Variants in SMAP1 observed in about 807,000 individuals in gnomAD.
SMAP1 encodes the protein small ArfGAP 1.
In SMAP1, 24 loss-of-function variants were observed where a neutral mutation model predicts 58.5. The observed-to-expected ratio is 0.41, with a 90% confidence interval of 0.30 to 0.58. The LOEUF is 0.58. Among genes scored for constraint, SMAP1 ranks in the 20% least tolerant of loss-of-function variants. SMAP1 has a pLI of 0.29. For synonymous variants in SMAP1, 216 were observed against 196.6 expected (o/e 1.10, Z -0.82); for missense variants, 563 against 566.3 (o/e 0.99, Z 0.06).
chr6:70,710,730 C>T (rs1012386614), intron 1 of SMAP1, among the ~76,000 whole-genome samples: 10 of 152,070 alleles, frequency 6.6e-5, no homozygotes, highest in Admixed American at 4.6e-4. Context: ...TTTTTATTAT[C>T]TAAAAACTTC....
intron 6 of SMAP1, among the ~76,000 whole-genome samples, chr6:70,804,707 C>G (rs1227403621): frequency 1.3e-5 from 2 of 152,170 alleles, no homozygotes; most frequent in Non-Finnish European, 2.9e-5. Flanking sequence ...GACAAAATCT[C>G]TCAGCATTTG....
intron 7 of SMAP1, among the ~76,000 whole-genome samples, chr6:70,846,251 G>C (rs1404795034): frequency 6.6e-6 from 1 of 152,182 alleles, no homozygotes; most frequent in Non-Finnish European, 1.5e-5. Flanking sequence ...TTTCCGCCAT[G>C]GCTCTGCTGT....
chr6:70,758,539 A>G (rs1319353968), intron 3 of SMAP1, among the ~76,000 whole-genome samples: 3 of 152,028 alleles, frequency 2.0e-5, no homozygotes, highest in Non-Finnish European at 4.4e-5. Flanking sequence ...ATAAATAAAT[A>G]AAAATAAAAA....
chr6:70,741,936 A>G (rs989069757), intron 2 of SMAP1, among the ~76,000 whole-genome samples: 3 of 152,212 alleles, frequency 2.0e-5, no homozygotes, highest in East Asian at 3.9e-4. Flanking sequence ...GGTCTGAGCT[A>G]TACATTGGCC....
In SMAP1 at chr6:70,679,028, T is replaced by G. The variant is rs554863593; in HGVS notation, c.118+10887T>G. On this transcript the variant is annotated intron_variant, in intron 1 of 10. Coordinates refer to ENST00000370455, the MANE Select transcript of SMAP1 (RefSeq NM_001044305.3). The stretch of plus-strand genomic sequence containing the variant: ...TGGAATCTAGATTTTTTGTTTTTTT[T>G]TTTTTGTTTTTTTGAGATGGAGTCT... 2.6e-5 allele frequency among the ~76,000 whole-genome samples: 4 copies of G among 151,788 alleles called. No homozygotes were observed. In the South Asian group the frequency reaches 6.3e-4, roughly 24 times the overall value.
chr6:70,716,171 T>C (rs1441055846), intron 1 of SMAP1, among the ~76,000 whole-genome samples: 5 of 152,248 alleles, frequency 3.3e-5, no homozygotes, highest in African/African-American at 1.2e-4. Context: ...GGAATTGTGC[T>C]GCTGTAAACA....
intron 7 of SMAP1, among the ~76,000 whole-genome samples, chr6:70,844,013 TAGAG>T (rs1320714768): frequency 6.6e-6 from 1 of 152,016 alleles, no homozygotes; most frequent in Non-Finnish European, 1.5e-5. Flanking sequence ...CCACTACCAT[TAGAG>T]AGAAAGAGGG....
chr6:70,818,792 G>T (rs1769754431), intron 6 of SMAP1, among the ~76,000 whole-genome samples: 1 of 152,152 alleles, frequency 6.6e-6, no homozygotes, highest in Non-Finnish European at 1.5e-5. Flanking sequence ...CCAGTTTACA[G>T]GAGAACTGTG....
chr6:70,751,689 A>G (rs948145364), intron 2 of SMAP1, among the ~76,000 whole-genome samples: 21 of 152,176 alleles, frequency 1.4e-4, no homozygotes, highest in Admixed American at 1.1e-3. Context: ...TAGCCTCACA[A>G]TTATCCCTCC....
At chr6:70,821,558 A>T (rs1769891966) in intron 6 of SMAP1, among the ~76,000 whole-genome samples, 1 of 152,200 alleles carries the variant, frequency 6.6e-6, no homozygotes, top group African/African-American at 2.4e-5. Context: ...AAATTTAATT[A>T]GCCTGAAAAA....
At position 70,856,988 on chromosome 6, in the gene SMAP1, T is replaced by A. The variant is rs749904379; in HGVS notation, c.919T>A (p.Ser307Thr). 1 of 1,613,992 alleles carries A rather than the reference T, an allele frequency of 6.2e-7. No individual in the cohort carries two copies. Among genetic ancestry groups the A allele is most frequent in the East Asian group, 2.2e-5 (1 of 44,864 alleles). ...ACAACTTTCCAAAGACTCCATCTTA[T>A]CTCTGTATGGCACAGGAACCATTCA... Reference protein sequence around the residue: ...KKQLSKDSILSLYGTGTIQQQ... With the variant: ...KKQLSKDSILTLYGTGTIQQQ... The change falls in exon 9 of 11, where the codon TCT becomes ACT. Residue 307 changes from serine (S) to threonine (T), a missense_variant. Physicochemically the swap from Ser to Thr is moderately conservative, Grantham distance 58. Around this residue, in one of 3 missense-constraint regions of SMAP1, gnomAD observed 494 missense variants for 473.8 expected, o/e 1.04. Coordinates refer to ENST00000370455, the MANE Select transcript of SMAP1 (RefSeq NM_001044305.3).
chr6:70,733,822 G>A (rs1426467567), intron 2 of SMAP1, among the ~76,000 whole-genome samples: 2 of 152,076 alleles, frequency 1.3e-5, no homozygotes, highest in East Asian at 3.9e-4. Context: ...GATAAAACAC[G>A]AGATCCTTCA....
intron 1 of SMAP1, among the ~76,000 whole-genome samples, chr6:70,705,552 A>AT (rs1435439173): frequency 3.9e-5 from 6 of 152,150 alleles, no homozygotes; most frequent in African/African-American, 1.4e-4. Flanking sequence ...CGCTGGGGCC[A>AT]TTATGATCTT....
chr6:70,750,836 G>A (rs777488770), intron 2 of SMAP1, among the ~76,000 whole-genome samples: 2 of 152,182 alleles, frequency 1.3e-5, no homozygotes, highest in African/African-American at 2.4e-5. Flanking sequence ...AAGTTTGGAT[G>A]AAGATGAGTC....
intron 6 of SMAP1, 63 bp downstream of exon 6, chr6:70,798,800 T>A: frequency 1.6e-6 from 2 of 1,238,730 alleles, no homozygotes; most frequent in Non-Finnish European, 2.2e-6. Flanking sequence ...ACTTATATAT[T>A]AATGACTTTC....
At chr6:70,852,348 C>T (rs1412901734) in intron 7 of SMAP1, among the ~76,000 whole-genome samples, 192 bp from the exon 8 acceptor site, 1 of 152,002 alleles carries the variant, frequency 6.6e-6, no homozygotes, top group Non-Finnish European at 1.5e-5. Flanking sequence ...AAGAATATTT[C>T]TGGGGGAATC....
intron 1 of SMAP1, among the ~76,000 whole-genome samples, chr6:70,692,918 G>T (rs1767234120): frequency 6.6e-6 from 1 of 152,052 alleles, no homozygotes; most frequent in Admixed American, 6.5e-5. Flanking sequence ...CGAGTAGCTG[G>T]GACTACAGGT....
At chr6:70,797,481 TATC>T (rs1013104204) in intron 5 of SMAP1, among the ~76,000 whole-genome samples, 1 of 152,152 alleles carries the variant, frequency 6.6e-6, no homozygotes, top group Non-Finnish European at 1.5e-5. Flanking sequence ...TCCTGATTTT[TATC>T]ATCATCGTCT....
intron 3 of SMAP1, among the ~76,000 whole-genome samples, chr6:70,763,826 A>G (rs527339656): frequency 2.6e-5 from 4 of 152,308 alleles, no homozygotes; most frequent in Non-Finnish European, 1.5e-5. Flanking sequence ...CAAAGCTTTA[A>G]CTCTTCAGTT....
Sources: gnomAD v4.1 joint callset for allele counts (sites outside exome capture counted in the v4.1 genomes callset) on GRCh38, gnomAD v4.1.1 for gene constraint, gnomAD v4.1.1 regional missense constraint, MANE v1.5 for transcripts, NCBI Gene and HGNC (gene_info 2026-07-23, HGNC 2026-07-21) for gene names.